PARVB: variants seen among roughly 807,000 people sequenced by gnomAD.
The protein encoded by PARVB is beta-parvin.
Under a neutral mutation model 47.0 loss-of-function variants are expected in PARVB, and 46 were observed. The observed-to-expected ratio is 0.98, with a 90% CI of 0.77 to 1.25. The LOEUF is 1.25. Ranked by LOEUF, PARVB falls within the 50% of genes most tolerant of loss-of-function variation. The pLI is 0.00. For synonymous variants in PARVB, 196 were observed against 196.3 expected, an observed-to-expected ratio of 1.00 and a Z score of 0.01; for missense variants, 473 against 471.6, an observed-to-expected ratio of 1.00 and a Z score of -0.03.
intron 1 of PARVB, among the ~76,000 whole-genome samples, chr22:44,071,204 C>T (rs904258341): frequency 6.6e-6 from 1 of 152,160 alleles, no homozygotes; most frequent in Non-Finnish European, 1.5e-5. Flanking sequence ...GGAAAAGACA[C>T]CTGCTTAGCT....
chr22:44,159,486 G>T (rs938433975), intron 11 of PARVB, among the ~76,000 whole-genome samples: 1 of 152,174 alleles, frequency 6.6e-6, no homozygotes, highest in Non-Finnish European at 1.5e-5. Context: ...CTGAATCGGA[G>T]CGAGGAAGGG....
At position 44,168,683 on chromosome 22, in the gene PARVB, G is replaced by A. The variant is rs1438245869; in HGVS notation, c.*5G>A. On this transcript the variant is annotated 3_prime_UTR_variant, in exon 13 of 13. Transcript: ENST00000338758. ...AAGTACAAGAACGTGGAGTGACGGG[G>A]GAGCTGTGGATGGTGGCAGGAGTGT... is the stretch of plus-strand genomic sequence containing the variant. 2.5e-6 allele frequency: 4 copies of A among 1,597,214 alleles called. No individual in the cohort carries two copies. Among genetic ancestry groups the A allele is most frequent in the East Asian group, 4.5e-5 (2 of 44,790 alleles).
rs1601561782 is a variant in PARVB, at chr22:44,073,850, C to T, written c.113-20078C>T. Among the ~76,000 whole-genome samples the T allele has an allele frequency of 5.3e-5, 8 of 152,362 alleles. No individual in the cohort carries two copies. In the South Asian group the frequency reaches 1.4e-3, roughly 28 times the overall value. On this transcript the variant is annotated intron_variant, in intron 1 of 12. Coordinates refer to ENST00000338758, the MANE Select transcript of PARVB (RefSeq NM_013327.5). The stretch of plus-strand genomic sequence containing the variant: ...TGGTGGGCTCGGCAGCTGGCCTGCA[C>T]ACAGGAGATCCTCAAAACAGATGAG...
intron 1 of PARVB, among the ~76,000 whole-genome samples, chr22:44,036,416 A>G (rs2050923684): frequency 6.6e-6 from 1 of 152,136 alleles, no homozygotes; most frequent in South Asian, 2.1e-4. Context: ...ATGGTGGTAA[A>G]TGATAAAACA....
intron 8 of PARVB, chr22:44,143,711 G>C (rs2053603379): frequency 6.6e-6 from 1 of 152,356 alleles, no homozygotes; most frequent in Non-Finnish European, 1.5e-5. Flanking sequence ...GGGTGAGGAG[G>C]CTTCTCTCCA....
At chr22:44,105,581 G>T (rs927554842) in intron 3 of PARVB, 2 of 152,136 alleles carry the variant, frequency 1.3e-5, no homozygotes, top group African/African-American at 4.8e-5. Context: ...TTTGTTTTTG[G>T]TCTTTCTCCT....
intron 1 of PARVB, among the ~76,000 whole-genome samples, chr22:44,082,908 T>G (rs975130579): frequency 3.3e-5 from 5 of 152,142 alleles, no homozygotes; most frequent in Non-Finnish European, 7.3e-5. Context: ...GAAGACCCAG[T>G]TTCCCTGAGC....
chr22:44,053,719 G>A (rs746280075), intron 1 of PARVB, among the ~76,000 whole-genome samples: 6 of 152,218 alleles, frequency 3.9e-5, no homozygotes, highest in Non-Finnish European at 7.3e-5. Flanking sequence ...GTAAGTCAGG[G>A]TTCCCACAGC....
chr22:44,039,828 T>G, intron 1 of PARVB: 1 of 455,194 alleles, frequency 2.2e-6, no homozygotes, highest in South Asian at 1.6e-5. Context: ...ATTTCATTTT[T>G]TTCAAAGATG....
intron 3 of PARVB, among the ~76,000 whole-genome samples, chr22:44,102,067 C>T (rs866844331): frequency 5.9e-5 from 9 of 152,250 alleles, no homozygotes; most frequent in East Asian, 5.8e-4. Context: ...AGAAGTCCCC[C>T]GACCTGCCAT....
chr22:44,099,778 C>T (rs986977825), intron 2 of PARVB, among the ~76,000 whole-genome samples: 10 of 152,182 alleles, frequency 6.6e-5, no homozygotes, highest in African/African-American at 2.4e-4. Flanking sequence ...CTTATTTCTC[C>T]TGAAAAATGG....
chr22:44,016,815 G>C (rs1185997065), intron 2 of PARVB, among the ~76,000 whole-genome samples: 1 of 152,092 alleles, frequency 6.6e-6, no homozygotes, highest in East Asian at 1.9e-4. Context: ...GAAATGTTCA[G>C]ATTTTGAACC....
At chr22:44,090,582 G>A (rs543652033) in intron 1 of PARVB, among the ~76,000 whole-genome samples, 9 of 152,338 alleles carry the variant, frequency 5.9e-5, no homozygotes, top group African/African-American at 9.6e-5. Flanking sequence ...GGGCTGCCTC[G>A]AAGCGTTGAC....
At chr22:44,095,955 G>A (rs776919471) in intron 2 of PARVB, among the ~76,000 whole-genome samples, 25 of 152,220 alleles carry the variant, frequency 1.6e-4, no homozygotes, top group Non-Finnish European at 3.4e-4. Context: ...CAGGCTCGGT[G>A]GCTCAGGCCT....
At chr22:44,131,121 C>CT (rs2147158873) in intron 4 of PARVB, among the ~76,000 whole-genome samples, 1 of 94,700 alleles carries the variant, frequency 1.1e-5, no homozygotes, top group African/African-American at 4.0e-5. Flanking sequence ...TCCTTCCTTC[C>CT]TTTTTCTTTC....
At chr22:44,085,397 C>A (rs557268809) in intron 1 of PARVB, among the ~76,000 whole-genome samples, 8 of 152,328 alleles carry the variant, frequency 5.3e-5, no homozygotes, top group African/African-American at 1.9e-4. Context: ...GCAACCTCCG[C>A]TTCTCGGCTT....
At chr22:44,081,723 C>A in intron 1 of PARVB, 1 of 652,388 alleles carries the variant, frequency 1.5e-6, no homozygotes, top group Non-Finnish European at 1.9e-6. Flanking sequence ...GCTCATTGTG[C>A]AGCTTGCTGG....
rs778047870 is a variant in PARVB at position 44,151,510 on chromosome 22, C to T, written c.802C>T (p.Leu268=). The change falls in exon 10 of 13, where the codon CTG becomes TTG. Residue 268 remains leucine, a synonymous_variant. Transcript: ENST00000338758. ...KSLITFVNKH[L]NKLNLEVTEL... The stretch of plus-strand genomic sequence containing the variant: ...TCTCATCACTTTTGTGAACAAGCAC[C>T]TGAACAAGCTGAATTTGGAGGTGAC... 6.2e-7 allele frequency: 1 copy of T among 1,613,962 alleles called. No homozygotes were observed. Among genetic ancestry groups the T allele is most frequent in the South Asian group, 1.1e-5 (1 of 91,074 alleles).
At chr22:44,038,339 T>C (rs977368251) in intron 1 of PARVB, among the ~76,000 whole-genome samples, 38 of 152,338 alleles carry the variant, frequency 2.5e-4, no homozygotes, top group African/African-American at 8.7e-4. Flanking sequence ...CTGCATGGGC[T>C]TGAACTGATC....
Sources: gnomAD v4.1 joint callset for allele counts (sites outside exome capture counted in the v4.1 genomes callset) on GRCh38, gnomAD v4.1.1 for gene constraint, MANE v1.5 for transcripts, NCBI Gene and HGNC (gene_info 2026-07-23, HGNC 2026-07-21) for gene names.